Variants in PHACTR3 observed in about 807,000 individuals in gnomAD.
PHACTR3 encodes phosphatase and actin regulator 3.
In PHACTR3, 16 loss-of-function variants were observed where a neutral mutation model predicts 66.8. The observed-to-expected ratio is 0.24, with a 90% CI of 0.16 to 0.36. The LOEUF is 0.36. Among genes scored for constraint, PHACTR3 ranks in the 10% least tolerant of loss-of-function variants. The pLI is 1.00. For missense variants in PHACTR3, 647 were observed against 719.9 expected (o/e 0.90, Z 1.16); for synonymous variants, 323 against 292.1 (o/e 1.11, Z -1.08).
At chr20:59,844,079 C>A (rs1033718905) in intron 11 of PHACTR3, 2 of 151,978 alleles carry the variant, frequency 1.3e-5, no homozygotes, top group African/African-American at 4.8e-5. Flanking sequence ...AAATGCTCAA[C>A]ATCATTAATC....
At chr20:59,582,153 CT>C (rs777341442) in intron 1 of PHACTR3, among the ~76,000 whole-genome samples, 29 of 152,238 alleles carry the variant, frequency 1.9e-4, no homozygotes, top group Admixed American at 6.5e-4. Context: ...AGGGAAGCCA[CT>C]GTTACCATTC....
At chr20:59,582,122 C>T (rs929707246) in intron 1 of PHACTR3, among the ~76,000 whole-genome samples, 2 of 152,214 alleles carry the variant, frequency 1.3e-5, no homozygotes, top group African/African-American at 2.4e-5. Flanking sequence ...TCCCCCCGCC[C>T]GCCACCTTTC....
chr20:59,717,129 G>A (rs1416508296), intron 1 of PHACTR3, among the ~76,000 whole-genome samples: 1 of 152,116 alleles, frequency 6.6e-6, no homozygotes, highest in Non-Finnish European at 1.5e-5. Flanking sequence ...CATTCATTTT[G>A]TTTCCAACAC....
chr20:59,650,932 T>G (rs1368410397), intron 1 of PHACTR3, among the ~76,000 whole-genome samples: 1 of 152,142 alleles, frequency 6.6e-6, no homozygotes, highest in East Asian at 1.9e-4. Flanking sequence ...TGATCTATAA[T>G]GTTTTGTTTT....
intron 1 of PHACTR3, among the ~76,000 whole-genome samples, chr20:59,607,833 A>G (rs2033718642): frequency 6.6e-6 from 1 of 152,126 alleles, no homozygotes; most frequent in Non-Finnish European, 1.5e-5. Context: ...ATGCCAAGAA[A>G]CAATTTTTCA....
chr20:59,601,394 C>T (rs1442580708), upstream of PHACTR3, among the ~76,000 whole-genome samples: 1 of 152,208 alleles, frequency 6.6e-6, no homozygotes, highest in Non-Finnish European at 1.5e-5. Context: ...TTAGGTTGTT[C>T]GTAATTTTTT....
chr20:59,662,289 G>A (rs992344590), intron 1 of PHACTR3, among the ~76,000 whole-genome samples: 1 of 152,150 alleles, frequency 6.6e-6, no homozygotes, highest in Non-Finnish European at 1.5e-5. Flanking sequence ...CATTTAGCAG[G>A]GAGATTTGAC....
At chr20:59,645,521 G>A (rs1005579384) in intron 1 of PHACTR3, among the ~76,000 whole-genome samples, 12 of 151,490 alleles carry the variant, frequency 7.9e-5, no homozygotes, top group African/African-American at 1.9e-4. Flanking sequence ...AGGCTAAAGC[G>A]CTGGCCCCTG....
At chr20:59,721,758 G>C (rs2038310691) in intron 1 of PHACTR3, among the ~76,000 whole-genome samples, 1 of 152,152 alleles carries the variant, frequency 6.6e-6, no homozygotes, top group Non-Finnish European at 1.5e-5. Context: ...TGAGGGCGGA[G>C]GAACTTGAAC....
intron 5 of PHACTR3, among the ~76,000 whole-genome samples, chr20:59,771,522 C>A (rs2040359884): frequency 6.6e-6 from 1 of 152,258 alleles, no homozygotes; most frequent in South Asian, 2.1e-4. Context: ...TCTCCCAAAC[C>A]AGCTACCACC....
At chr20:59,805,784 G>A (rs1006622196) in intron 7 of PHACTR3, among the ~76,000 whole-genome samples, 6 of 152,316 alleles carry the variant, frequency 3.9e-5, no homozygotes, top group South Asian at 2.1e-4. Context: ...GGTGTCAGCC[G>A]GGACTGTACC....
chr20:59,596,689 G>A (rs1050653280), intron 1 of PHACTR3, among the ~76,000 whole-genome samples: 10 of 152,228 alleles, frequency 6.6e-5, no homozygotes, highest in Non-Finnish European at 1.0e-4. Flanking sequence ...ACATTGGCAT[G>A]CATAGCTTGT....
intron 1 of PHACTR3, among the ~76,000 whole-genome samples, chr20:59,637,710 A>C (rs1324411568): frequency 1.3e-5 from 2 of 151,482 alleles, no homozygotes; most frequent in African/African-American, 4.8e-5. Context: ...AAAAAAAAAA[A>C]AACCAACAAA....
At chr20:59,612,973 T>C (rs2033906840) in intron 1 of PHACTR3, among the ~76,000 whole-genome samples, 1 of 152,000 alleles carries the variant, frequency 6.6e-6, no homozygotes, top group Non-Finnish European at 1.5e-5. Context: ...CCAGGCTTTT[T>C]TAAACAACCA....
chr20:59,606,311 C>T lies in PHACTR3; in HGVS notation c.118+1179C>T, dbSNP rs562735902. 6.6e-5 allele frequency among the ~76,000 whole-genome samples: 10 copies of T among 151,458 alleles called. 2 individuals are homozygous for T. The South Asian group carries it at 1.9e-3, about 29-fold the overall frequency. The stretch of plus-strand genomic sequence containing the variant: ...TGTGGGCACTGGATCCCTCCCCCCC[C>T]CATTTGAAAATTTAAACAATAAACC... On this transcript the variant is annotated intron_variant, in intron 1 of 12. Transcript: ENST00000371015.
chr20:59,743,876 C>T (rs1411205329), intron 2 of PHACTR3, among the ~76,000 whole-genome samples: 1 of 152,192 alleles, frequency 6.6e-6, no homozygotes, highest in Non-Finnish European at 1.5e-5. Flanking sequence ...GCCTTCCCTA[C>T]ACCCTCCCAC....
intron 1 of PHACTR3, among the ~76,000 whole-genome samples, chr20:59,679,080 G>C (rs1324948730): frequency 6.6e-6 from 1 of 152,200 alleles, no homozygotes; most frequent in African/African-American, 2.4e-5. Context: ...AAATATTTAG[G>C]GGGTGGACGA....
At chr20:59,744,388 A>G (rs2146774150) in intron 2 of PHACTR3, among the ~76,000 whole-genome samples, 1 of 152,338 alleles carries the variant, frequency 6.6e-6, no homozygotes, top group East Asian at 1.9e-4. Flanking sequence ...CTCCAGCCAC[A>G]TGCCTGTGAG....
intron 1 of PHACTR3, among the ~76,000 whole-genome samples, chr20:59,725,021 G>A (rs2038507515): frequency 6.6e-6 from 1 of 151,676 alleles, no homozygotes; most frequent in Non-Finnish European, 1.5e-5. Context: ...TTGAGAGGAG[G>A]GTGGATGTGA....
Sources: allele counts gnomAD v4.1 joint callset (sites outside exome capture counted in the v4.1 genomes callset), GRCh38; gene constraint gnomAD v4.1.1; transcripts MANE v1.5; gene names NCBI Gene and HGNC (gene_info 2026-07-23, HGNC 2026-07-21).